BCAS1: variants seen among roughly 807,000 people sequenced by gnomAD.
BCAS1 encodes the protein brain enriched myelin associated protein 1.
In BCAS1, 46 loss-of-function variants were observed where a neutral mutation model predicts 65.4. The ratio of observed to expected loss-of-function variants is 0.70; its 90% CI spans 0.55 to 0.90. The LOEUF is 0.90. BCAS1 is among the 40% of genes least tolerant of loss of function. The pLI is 0.00. For synonymous variants in BCAS1, 298 were observed against 293.5 expected (o/e 1.02, Z -0.16); for missense variants, 793 against 771.2 (o/e 1.03, Z -0.33).
chr20:54,057,037 C>G (rs765076219), intron 3 of BCAS1, among the ~76,000 whole-genome samples: 1 of 152,152 alleles, frequency 6.6e-6, no homozygotes, highest in African/African-American at 2.4e-5. Context: ...AGAATTCTTA[C>G]CCTCAACTAC....
chr20:54,041,908 C>CA (rs1391284796), intron 3 of BCAS1, among the ~76,000 whole-genome samples: 1 of 67,362 alleles, frequency 1.5e-5, no homozygotes, highest in African/African-American at 5.4e-5. Flanking sequence ...TCTGTCTCCC[C>CA]CAAAAAAAAA....
intron 1 of BCAS1, among the ~76,000 whole-genome samples, chr20:54,066,323 T>C (rs548991400): frequency 5.6e-4 from 85 of 152,260 alleles, no homozygotes; most frequent in Middle Eastern, 3.4e-3. Context: ...CCGCCCGCCT[T>C]GGCCTCCCAA....
At chr20:54,051,330 G>GCACA (rs2092208958) in intron 3 of BCAS1, among the ~76,000 whole-genome samples, 1 of 152,202 alleles carries the variant, frequency 6.6e-6, no homozygotes, top group South Asian at 2.1e-4. Flanking sequence ...CGCAACAGGA[G>GCACA]GGTGATGTGC....
intron 3 of BCAS1, among the ~76,000 whole-genome samples, chr20:54,055,713 C>T (rs2092287477): frequency 6.6e-6 from 1 of 152,106 alleles, no homozygotes; most frequent in South Asian, 2.1e-4. Context: ...AGGTTCATTG[C>T]AGCATTATTC....
At chr20:53,946,425 G>A (rs948445857) in intron 12 of BCAS1, among the ~76,000 whole-genome samples, 2 of 151,842 alleles carry the variant, frequency 1.3e-5, no homozygotes, top group Non-Finnish European at 2.9e-5. Context: ...CCACCTTGCT[G>A]CATGGATCAA....
At chr20:54,024,674 G>C (rs2091632528) in intron 4 of BCAS1, among the ~76,000 whole-genome samples, 1 of 131,994 alleles carries the variant, frequency 7.6e-6, no homozygotes, top group Non-Finnish European at 1.6e-5. Flanking sequence ...ATCCAGCAAA[G>C]GAGATGATGG....
chr20:53,961,234 GAATGTT>G (rs1212680429), intron 10 of BCAS1, among the ~76,000 whole-genome samples: 2 of 152,180 alleles, frequency 1.3e-5, no homozygotes, highest in African/African-American at 4.8e-5. Context: ...TCTTTGAAGG[GAATGTT>G]AATGTATTTT....
intron 12 of BCAS1, 136 bp from the exon 13 acceptor site, chr20:53,945,132 A>G: frequency 1.3e-6 from 1 of 774,634 alleles, no homozygotes; most frequent in South Asian, 1.5e-5. Flanking sequence ...GTGCTGGGTA[A>G]GAGAATGGTC....
At chr20:54,021,222 C>A (rs964781927) in intron 4 of BCAS1, among the ~76,000 whole-genome samples, 48 of 152,072 alleles carry the variant, frequency 3.2e-4, no homozygotes, top group African/African-American at 1.2e-3. Context: ...TAGGAAACTC[C>A]TTTCTTATTT....
At chr20:53,966,823 C>G (rs557915008) in intron 10 of BCAS1, 83 bp downstream of exon 10, 5 of 1,322,720 alleles carry the variant, frequency 3.8e-6, no homozygotes, top group East Asian at 2.3e-5. Context: ...ATTATGTCTC[C>G]TACTACCTGT....
intron 3 of BCAS1, among the ~76,000 whole-genome samples, chr20:54,039,361 G>C (rs2276488): frequency 0.18 from 27,226 of 151,120 alleles, 3,229 homozygotes; most frequent in East Asian, 0.31. Context: ...GAACATCATG[G>C]TAGAATTCTT....
intron 4 of BCAS1, among the ~76,000 whole-genome samples, chr20:54,009,318 G>C (rs1182884343): frequency 6.6e-6 from 1 of 152,242 alleles, no homozygotes; most frequent in African/African-American, 2.4e-5. Context: ...GAGAGACAGA[G>C]AGAAGCAGCA....
At chr20:54,048,898 C>T (rs904561090) in intron 3 of BCAS1, among the ~76,000 whole-genome samples, 2 of 152,186 alleles carry the variant, frequency 1.3e-5, no homozygotes, top group African/African-American at 4.8e-5. Context: ...ACCCTCATAA[C>T]AAGAAAGGAT....
chr20:54,008,621 A>C (rs547446577), intron 4 of BCAS1, among the ~76,000 whole-genome samples: 4 of 152,358 alleles, frequency 2.6e-5, no homozygotes, highest in African/African-American at 9.6e-5. Context: ...TGTCCGGGAC[A>C]GCCAGCTAAA....
At chr20:54,027,670 A>C (rs1006129748) in intron 4 of BCAS1, among the ~76,000 whole-genome samples, 1 of 152,142 alleles carries the variant, frequency 6.6e-6, no homozygotes, top group Non-Finnish European at 1.5e-5. Context: ...GAATACAAAC[A>C]GGCTCTCTCA....
At chr20:53,950,339 G>A (rs1168459544) in intron 12 of BCAS1, among the ~76,000 whole-genome samples, 1 of 152,018 alleles carries the variant, frequency 6.6e-6, no homozygotes, top group East Asian at 1.9e-4. Flanking sequence ...AAAGAGCCTT[G>A]CTCTCTTCCT....
intron 7 of BCAS1, among the ~76,000 whole-genome samples, chr20:53,987,206 G>A (rs2090636509): frequency 6.6e-6 from 1 of 152,202 alleles, no homozygotes; most frequent in Non-Finnish European, 1.5e-5. Flanking sequence ...CATCCATTGA[G>A]CAGATTCTAA....
chr20:54,025,393 C>T (rs1407498975), intron 4 of BCAS1, among the ~76,000 whole-genome samples: 1 of 152,180 alleles, frequency 6.6e-6, no homozygotes, highest in Non-Finnish European at 1.5e-5. Flanking sequence ...TCAGTGAAAC[C>T]TTTCAGGCAT....
At chr20:53,945,882 C>A (rs376641855) in intron 12 of BCAS1, among the ~76,000 whole-genome samples, 9 of 152,106 alleles carry the variant, frequency 5.9e-5, no homozygotes, top group African/African-American at 2.2e-4. Context: ...AATGATCCCC[C>A]CACGTCAGCC....
Sources: gnomAD v4.1 joint callset for allele counts (sites outside exome capture counted in the v4.1 genomes callset) on GRCh38, gnomAD v4.1.1 for gene constraint, MANE v1.5 for transcripts, NCBI Gene and HGNC (gene_info 2026-07-23, HGNC 2026-07-21) for gene names.